The following ERBB2 variants were observed in gnomAD, a reference collection of about 807,000 sequenced individuals.
ERBB2 encodes the protein erb-b2 receptor tyrosine kinase 2.
Under a neutral mutation model 149.0 loss-of-function variants are expected in ERBB2, and 61 were observed. The observed-to-expected ratio is 0.41, with a 90% CI of 0.33 to 0.51. The LOEUF (loss-of-function observed/expected upper bound fraction) is 0.51. ERBB2 is among the 20% of genes least tolerant of loss of function. The pLI is 0.25. For synonymous variants in ERBB2, 633 were observed against 678.8 expected, an observed-to-expected ratio of 0.93 and a Z score of 1.05; for missense variants, 1,205 against 1,655.1, an observed-to-expected ratio of 0.73 and a Z score of 4.72.
chr17:39,699,181 T>A (rs1486028449), upstream of ERBB2, among the ~76,000 whole-genome samples: 2 of 152,116 alleles, frequency 1.3e-5, no homozygotes, highest in Non-Finnish European at 2.9e-5. Context: ...CTTTTTGGGC[T>A]GGGTGCAGTT....
upstream of ERBB2, among the ~76,000 whole-genome samples, chr17:39,694,025 A>G (rs2057769576): frequency 6.8e-6 from 1 of 147,256 alleles, no homozygotes. Context: ...GCCTCTATCA[A>G]AAATACAAAA....
rs2145661877 is a variant in ERBB2 at position 39,715,957 on chromosome 17, G to A, written c.1513+18G>A. 2 of 1,602,770 alleles carry A rather than the reference G, an allele frequency of 1.2e-6. No individual in the cohort carries two copies. ...CGAGTGTGGTAAGACAGGGAGCCCA[G>A]TGTGCGCACTCCCCATCTGCCAGCA... On this transcript the variant is annotated intron_variant, in intron 12 of 26. Coordinates refer to ENST00000269571, the MANE Select transcript of ERBB2 (RefSeq NM_004448.4).
At chr17:39,700,714 G>C (rs2058053759) in intron 1 of ERBB2, among the ~76,000 whole-genome samples, 1 of 152,200 alleles carries the variant, frequency 6.6e-6, no homozygotes, top group Non-Finnish European at 1.5e-5. Flanking sequence ...GGACTGGCCT[G>C]GGCTGGATTC....
intron 9 of ERBB2, among the ~76,000 whole-genome samples, chr17:39,712,970 G>C (rs1328410752): frequency 1.3e-5 from 2 of 152,170 alleles, no homozygotes; most frequent in African/African-American, 4.8e-5. Flanking sequence ...GATCAGAACG[G>C]TGGTTGCCCC....
At chr17:39,697,801 C>T (rs2057901572), upstream of ERBB2, among the ~76,000 whole-genome samples, 1 of 152,066 alleles carries the variant, frequency 6.6e-6, no homozygotes, top group Admixed American at 6.5e-5. Flanking sequence ...TCAAGCAATT[C>T]TCCTGCCTCA....
In ERBB2 at chr17:39,723,959, C is replaced by T; in HGVS notation, c.2256C>T (p.Ile752=). 1 of 1,614,064 alleles carries T rather than the reference C, an allele frequency of 6.2e-7. No individual in the cohort carries two copies. The highest frequency in any genetic ancestry group is 8.5e-7 in the Non-Finnish European group (1 of 1,179,990). ...AGAATGTGAAAATTCCAGTGGCCAT[C>T]AAAGTGTTGAGGGAAAACACATCCC... is the stretch of plus-strand genomic sequence containing the variant. ...DGENVKIPVA[I]KVLRENTSPK... Residue 752 remains isoleucine (I), a synonymous_variant, in exon 19 of 27, where the codon ATC becomes ATT. Transcript: ENST00000269571. This position sits in a 1 kb window ranked among gnomAD's most constrained non-coding sequence, Gnocchi z 6.2.
intron 9 of ERBB2, 21 bp from the exon 10 acceptor site, chr17:39,715,265 C>T: frequency 1.2e-6 from 2 of 1,611,850 alleles, no homozygotes; most frequent in Non-Finnish European, 8.5e-7. Context: ...GCCCTGCTGA[C>T]TCCTCTCCTG....
intron 9 of ERBB2, chr17:39,713,237 C>A (rs898180361): frequency 6.6e-6 from 1 of 152,140 alleles, no homozygotes; most frequent in Non-Finnish European, 1.5e-5. Context: ...AGCAATTCTC[C>A]TGCCTCAGTC....
In ERBB2 at chr17:39,724,833, C is replaced by T; in HGVS notation, c.2415C>T (p.Cys805=). ...QLVTQLMPYG[C]LLDHVRENRG... is the part of the protein sequence containing the mutation. Reference sequence around the variant, plus strand: ...TGACACAGCTTATGCCCTATGGCTGCCTCTTAGACCATGTCCGGGAAAACC... The same window carrying T: ...TGACACAGCTTATGCCCTATGGCTGTCTCTTAGACCATGTCCGGGAAAACC... The change falls in exon 20 of 27, where the codon TGC becomes TGT. Residue 805 remains cysteine (C), a synonymous_variant. Coordinates refer to ENST00000269571, the MANE Select transcript of ERBB2 (RefSeq NM_004448.4). 1 of 1,614,224 alleles carries T rather than the reference C, an allele frequency of 6.2e-7. No individual in the cohort carries two copies. Among genetic ancestry groups the T allele is most frequent in the Non-Finnish European group, 8.5e-7 (1 of 1,180,048 alleles).
At chr17:39,721,214 T>C (rs769138596) in intron 16 of ERBB2, among the ~76,000 whole-genome samples, 8 of 151,406 alleles carry the variant, frequency 5.3e-5, no homozygotes, top group Non-Finnish European at 1.2e-4. Context: ...CCTCCCAAAA[T>C]GTTGGGATCA....
In ERBB2 at chr17:39,715,783, C is replaced by G. The variant is rs759352819; in HGVS notation, c.1357C>G (p.Leu453Val). The change falls in exon 12 of 27, where the codon CTG becomes GTG. Residue 453 changes from leucine (L) to valine (V), a missense_variant. Leu to Val is a conservative substitution (Grantham distance 32). Transcript: ENST00000269571. ...CCTGCAAGGGCTGGGCATCAGCTGG[C>G]TGGGGCTGCGCTCACTGAGGGAACT... ...LTLQGLGISW[L>V]GLRSLRELGS... 10 of 1,608,986 alleles carry G rather than the reference C, an allele frequency of 6.2e-6. No homozygotes were observed. The highest frequency in any genetic ancestry group is 8.5e-6 in the Non-Finnish European group (10 of 1,180,012).
chr17:39,724,208 T>C (rs1167662689), intron 19 of ERBB2, among the ~76,000 whole-genome samples, 198 bp downstream of exon 19: 1 of 150,286 alleles, frequency 6.7e-6, no homozygotes, highest in Admixed American at 6.7e-5. Flanking sequence ...AACCTCCACC[T>C]CCTGGACTCA....
rs781493914 is a variant in ERBB2, at chr17:39,728,020, C to T, written c.3744C>T (p.Tyr1248=). The T allele has an allele frequency of 5.0e-6, 8 of 1,604,220 alleles. No individual in the cohort carries two copies. The highest frequency in any genetic ancestry group is 2.2e-5 in the East Asian group (1 of 44,804). The change falls in exon 27 of 27, where the codon TAC becomes TAT. Residue 1248 remains tyrosine, a synonymous_variant. Transcript: ENST00000269571. ...KGTPTAENPE[Y]LGLDVPV Reference sequence around the variant, plus strand: ...CACCTACGGCAGAGAACCCAGAGTACCTGGGTCTGGACGTGCCAGTGTGAA... The same window carrying T: ...CACCTACGGCAGAGAACCCAGAGTATCTGGGTCTGGACGTGCCAGTGTGAA...
intron 14 of ERBB2, among the ~76,000 whole-genome samples, chr17:39,716,814 G>A (rs1437038421): frequency 6.6e-6 from 1 of 152,144 alleles, no homozygotes; most frequent in Non-Finnish European, 1.5e-5. Flanking sequence ...AGGTTCTAAG[G>A]AGGTCTGTGT....
intron 11 of ERBB2, 60 bp from the exon 12 acceptor site, chr17:39,715,680 A>T (rs2059078487): frequency 6.3e-7 from 1 of 1,587,152 alleles, no homozygotes; most frequent in Non-Finnish European, 8.6e-7. Flanking sequence ...GAGGAAGATG[A>T]GAATAGCCTT....
intron 15 of ERBB2, 42 bp downstream of exon 15, chr17:39,717,522 T>G: frequency 6.5e-7 from 1 of 1,547,920 alleles, no homozygotes; most frequent in Non-Finnish European, 8.8e-7. Context: ...GGACTTTCCT[T>G]TCAGGGGTCT....
chr17:39,720,675 G>A (rs2059400991), intron 16 of ERBB2, among the ~76,000 whole-genome samples: 1 of 151,966 alleles, frequency 6.6e-6, no homozygotes, highest in Non-Finnish European at 1.5e-5. Context: ...TTTTGAGACG[G>A]AGTCTCACTC....
chr17:39,698,630 G>A (rs2145247031), upstream of ERBB2, among the ~76,000 whole-genome samples: 1 of 152,154 alleles, frequency 6.6e-6, no homozygotes, highest in East Asian at 1.9e-4. Context: ...GGATGGCATA[G>A]CAACCTGTCC....
intron 7 of ERBB2, 111 bp downstream of exon 7, chr17:39,710,592 A>T (rs920077062): frequency 3.9e-6 from 5 of 1,286,046 alleles, no homozygotes; most frequent in Non-Finnish European, 5.4e-6. Flanking sequence ...GCTGGTCATG[A>T]CAGTTCCTGC....
Sources: allele counts gnomAD v4.1 joint callset (sites outside exome capture counted in the v4.1 genomes callset), GRCh38; gene constraint gnomAD v4.1.1; non-coding constraint Gnocchi (gnomAD v3.1); transcripts MANE v1.5; gene names NCBI Gene and HGNC (gene_info 2026-07-23, HGNC 2026-07-21).